The following C20orf96 variants were observed in gnomAD, a reference collection of about 807,000 sequenced individuals.
C20orf96 encodes uncharacterized protein C20orf96.
In C20orf96, 57 loss-of-function variants were observed where a neutral mutation model predicts 52.6. The ratio of observed to expected loss-of-function variants is 1.08; its 90% confidence interval spans 0.88 to 1.35. The LOEUF is 1.35. Among genes scored for constraint, C20orf96 ranks in the 40% most tolerant of loss-of-function variants. The pLI is 0.00. For synonymous variants in C20orf96, 168 were observed against 157.2 expected (o/e 1.07, Z -0.51); for missense variants, 478 against 443.6 (o/e 1.08, Z -0.70).
At chr20:287,279 C>T (rs917788972) in intron 3 of C20orf96, among the ~76,000 whole-genome samples, 1 of 152,192 alleles carries the variant, frequency 6.6e-6, no homozygotes, top group African/African-American at 2.4e-5. Context: ...TTTTACCTTC[C>T]CACCAGCAAT....
At chr20:290,520 C>T in intron 1 of C20orf96, 71 bp downstream of exon 1, 2 of 1,569,400 alleles carry the variant, frequency 1.3e-6, no homozygotes, top group Non-Finnish European at 1.7e-6. Flanking sequence ...GGCGGGACAG[C>T]GGCGGGGTGT....
intron 3 of C20orf96, among the ~76,000 whole-genome samples, chr20:285,860 C>T (rs2012372053): frequency 6.6e-6 from 1 of 152,074 alleles, no homozygotes; most frequent in Non-Finnish European, 1.5e-5. Context: ...AGGTGTGAGC[C>T]ACCGCGCCCG....
rs370729462 is a variant in C20orf96 at position 279,247 on chromosome 20, G to C, written c.390C>G (p.Ile130Met). 7.4e-6 allele frequency: 12 copies of C among 1,611,062 alleles called. No individual in the cohort carries two copies. The highest frequency in any genetic ancestry group is 6.7e-5 in the African/African-American group (5 of 74,722). Residue 130 changes from isoleucine (I) to methionine (M), a missense_variant, in exon 5 of 11, where the codon ATC (isoleucine) becomes ATG (methionine). Transcript: ENST00000360321. ...TGTTCTCCATCTCCTGGATGGTCTC[G>C]ATCAGCTCCCGGTTGAGCTTGCTGA... Reference protein sequence around the residue: ...NFLSKLNRELIETIQEMENST... With the variant: ...NFLSKLNRELMETIQEMENST...
intron 2 of C20orf96, 116 bp downstream of exon 2, chr20:290,143 T>C (rs2012499540): frequency 3.9e-6 from 3 of 762,162 alleles, no homozygotes; most frequent in Admixed American, 5.7e-5. Context: ...CGGCTGGGAC[T>C]GGAATTCGGG....
intron 10 of C20orf96, among the ~76,000 whole-genome samples, chr20:273,829 A>G (rs748266513): frequency 6.9e-6 from 1 of 145,716 alleles, no homozygotes; most frequent in African/African-American, 2.5e-5. Context: ...GTGAGCTGAG[A>G]TGGTGCCAGT....
At chr20:284,153 G>T in intron 3 of C20orf96, 72 bp from the exon 4 acceptor site, 3 of 1,144,838 alleles carry the variant, frequency 2.6e-6, no homozygotes, top group Non-Finnish European at 4.0e-6. Flanking sequence ...TCCCGGGAGT[G>T]CACCATTAAT....
chr20:280,092 G>A (rs538514623), intron 4 of C20orf96, among the ~76,000 whole-genome samples: 128 of 152,268 alleles, frequency 8.4e-4, no homozygotes, highest in African/African-American at 3.0e-3. Flanking sequence ...CGGGCAGGCC[G>A]CGGAGTCAAT....
chr20:282,535 C>T (rs1354117941), intron 4 of C20orf96, among the ~76,000 whole-genome samples: 1 of 152,170 alleles, frequency 6.6e-6, no homozygotes, highest in Non-Finnish European at 1.5e-5. Context: ...TCAGCTTCTA[C>T]ATCAATCAAA....
intron 3 of C20orf96, among the ~76,000 whole-genome samples, chr20:288,864 A>G (rs1204677340): frequency 6.6e-6 from 1 of 152,194 alleles, no homozygotes; most frequent in Non-Finnish European, 1.5e-5. Context: ...AATTCTCACA[A>G]CAATCCTAGG....
chr20:290,601 C>T lies in C20orf96; in HGVS notation c.10G>A (p.Val4Ile), dbSNP rs1238037682. The T allele has an allele frequency of 1.4e-5, 20 of 1,439,594 alleles. No individual in the cohort carries two copies. Among genetic ancestry groups the T allele is most frequent in the African/African-American group, 1.1e-4 (6 of 56,284 alleles). 89.2% of individuals were successfully genotyped at this position (1,439,594 alleles called of 1,614,324 possible). A position where few individuals can be genotyped will look rare whatever the true frequency, so the allele number is the denominator to read the frequency against. Residue 4 changes from valine to isoleucine, a missense_variant, in exon 1 of 11, where the codon GTC becomes ATC. Coordinates refer to ENST00000360321, the MANE Select transcript of C20orf96 (RefSeq NM_153269.3). ...TTTTTTTTTACCTACTTTTGTAAGA[C>T]ATGCGCCATTGGGGAAAATGGAAGA... Reference protein sequence around the residue: MAHVLQKPKHSGTH... With the variant: MAHILQKPKHSGTH...
chr20:282,288 A>G (rs2012273150), intron 4 of C20orf96, among the ~76,000 whole-genome samples: 1 of 152,106 alleles, frequency 6.6e-6, no homozygotes, highest in South Asian at 2.1e-4. Context: ...AGCTCTTATC[A>G]TCATTTCAAA....
chr20:279,308 G>A lies in C20orf96; in HGVS notation c.329C>T (p.Ala110Val), dbSNP rs952711137. The A allele has an allele frequency of 3.1e-6, 5 of 1,607,042 alleles. No individual in the cohort carries two copies. The African/African-American group carries it at 6.7e-5, about 22-fold the overall frequency. The change falls in exon 5 of 11, where the codon GCC (alanine) becomes GTC (valine). Residue 110 changes from alanine to valine, a missense_variant. Coordinates refer to ENST00000360321, the MANE Select transcript of C20orf96 (RefSeq NM_153269.3). ...ACGGCTTCGGAGCTCTCGCAGAGCG[G>A]CCCTCCCGCTCCTGAGCGAGGTCTG... ...LMKTSLRSGR[A>V]ALRELRSREN...
chr20:276,475 G>A (rs2012026879), intron 9 of C20orf96: 28 of 985,326 alleles, frequency 2.8e-5, no homozygotes, highest in South Asian at 4.7e-5. Flanking sequence ...CACTGATAAT[G>A]GGTGGTGGGC....
chr20:283,495 G>C (rs1350382887), intron 4 of C20orf96, among the ~76,000 whole-genome samples: 1 of 151,968 alleles, frequency 6.6e-6, no homozygotes, highest in East Asian at 1.9e-4. Flanking sequence ...GTAGAAACGG[G>C]GTTTCACCAC....
chr20:290,301 C>T lies in C20orf96; in HGVS notation c.27G>A (p.Lys9=). The part of the protein sequence containing the change: MAHVLQKP[K]HSGTHSIVQE... ...GGACTATGGAGTGAGTCCCAGAGTG[C>T]TTGGGTCTGGAAAGAGTTGGGAAGG... The change falls in exon 2 of 11, where the codon AAG becomes AAA. Residue 9 remains lysine (K), a synonymous_variant. Transcript: ENST00000360321. 1 of 1,612,840 alleles carries T rather than the reference C, an allele frequency of 6.2e-7. No homozygotes were observed. The highest frequency in any genetic ancestry group is 1.7e-4 in the Middle Eastern group (1 of 6,058).
Position 279,412 on chromosome 20 carries a change from C to G in C20orf96, c.307-82G>C, listed in dbSNP as rs570909176. ...CCGAAAGCCCGTGGACCCGCCGCCC[C>G]GGCCCCGCCAGACGCCCGCCCCCGT... On this transcript the variant is annotated intron_variant, in intron 4 of 10. Transcript: ENST00000360321. The G allele has an allele frequency of 1.6e-5, 23 of 1,422,348 alleles. No homozygotes were observed. The South Asian group carries it at 3.0e-4, about 19-fold the overall frequency. The allele number at this position is 1,422,348 out of a possible 1,614,324, so 88.1% of individuals were successfully genotyped here.
At chr20:275,466 T>C (rs6081708) in intron 10 of C20orf96, among the ~76,000 whole-genome samples, 38,816 of 152,066 alleles carry the variant, frequency 0.26, 6,036 homozygotes, top group East Asian at 0.39. Flanking sequence ...GGTCCTGTGG[T>C]GTCATCAAGG....
chr20:290,561 CA>C, intron 1 of C20orf96, 29 bp downstream of exon 1: 2 of 1,522,818 alleles, frequency 1.3e-6, no homozygotes, highest in Admixed American at 1.9e-5. Flanking sequence ...GCCTTTCTTC[CA>C]ATTTTTTTTT....
At position 289,616 on chromosome 20, in the gene C20orf96, G is replaced by C. The variant is rs752522624; in HGVS notation, c.130C>G (p.Gln44Glu). 9.9e-6 allele frequency: 16 copies of C among 1,614,052 alleles called. No individual in the cohort carries two copies. The East Asian group carries it at 3.3e-4, about 34-fold the overall frequency. ...CTTGTATGAAGGCTGTTGGCTTGTT[G>C]GACTGGAGGCAGAGTAGATGGCTTG... ...ETKPSTLPPV[Q>E]QANSLHTSKM... is the part of the protein sequence containing the mutation. The change falls in exon 3 of 11, where the codon CAA becomes GAA. Residue 44 changes from glutamine to glutamate, a missense_variant. Transcript: ENST00000360321.
Sources: gnomAD v4.1 joint callset for allele counts (sites outside exome capture counted in the v4.1 genomes callset) on GRCh38, gnomAD v4.1.1 for gene constraint, MANE v1.5 for transcripts, NCBI Gene and HGNC (gene_info 2026-07-23, HGNC 2026-07-21) for gene names.